Variants in SORCS1 observed in about 807,000 individuals in gnomAD.
The protein encoded by SORCS1 is VPS10 domain-containing receptor SorCS1.
SORCS1 carries 60 observed loss-of-function variants against 146.1 expected under a neutral mutation model. That is an observed-to-expected ratio of 0.41 (90% CI 0.33 to 0.51). The LOEUF is 0.51. Ranked by LOEUF, SORCS1 falls within the 20% of genes least tolerant of loss-of-function variation. The pLI is 0.21. For synonymous variants in SORCS1, 637 were observed against 584.0 expected (o/e 1.09, Z -1.31); for missense variants, 1,352 against 1,487.6 (o/e 0.91, Z 1.50).
At chr10:107,005,582 A>C (rs777856732) in intron 1 of SORCS1, among the ~76,000 whole-genome samples, 4 of 152,198 alleles carry the variant, frequency 2.6e-5, no homozygotes, top group Non-Finnish European at 5.9e-5. Context: ...GAATACCTAC[A>C]TATTATGTAC....
intron 1 of SORCS1, among the ~76,000 whole-genome samples, chr10:107,151,111 G>T (rs936057546): frequency 6.6e-6 from 1 of 152,216 alleles, no homozygotes; most frequent in Non-Finnish European, 1.5e-5. Context: ...ATGTTAGAAA[G>T]TCTGGAACTT....
chr10:107,070,528 C>T (rs17196041), intron 1 of SORCS1, among the ~76,000 whole-genome samples: 1,565 of 152,270 alleles, frequency 0.01, 15 homozygotes, highest in South Asian at 0.028. Flanking sequence ...CCATTTAAAG[C>T]ATCTTTCCCT....
At chr10:106,856,846 T>A (rs1949806000) in intron 2 of SORCS1, among the ~76,000 whole-genome samples, 1 of 152,248 alleles carries the variant, frequency 6.6e-6, no homozygotes, top group South Asian at 2.1e-4. Flanking sequence ...TCTGCTCAGG[T>A]AAATTGTGAT....
intron 1 of SORCS1, among the ~76,000 whole-genome samples, chr10:107,054,723 C>T (rs1382033832): frequency 6.6e-6 from 1 of 152,170 alleles, no homozygotes; most frequent in African/African-American, 2.4e-5. Context: ...AAACAGCAAA[C>T]CACAGGGCAT....
chr10:107,163,847 C>A lies in SORCS1; in HGVS notation c.558+122G>T, dbSNP rs1337460679. On this transcript the variant is annotated intron_variant, in intron 1 of 25. Coordinates refer to ENST00000263054, the MANE Select transcript of SORCS1 (RefSeq NM_052918.5). ...ACTCTTGGGGGAAGTGGGCAGAGACCAGTTTGCAGCATCTCCCATGTCCAG... is the reference window on the plus strand; with the variant it reads ...ACTCTTGGGGGAAGTGGGCAGAGACAAGTTTGCAGCATCTCCCATGTCCAG... 17 of 1,120,216 alleles carry A rather than the reference C, an allele frequency of 1.5e-5. No homozygotes were observed. The African/African-American group carries it at 2.4e-4, about 16-fold the overall frequency. 69.4% of individuals were successfully genotyped at this position (1,120,216 alleles called of 1,614,324 possible). A position where few individuals can be genotyped will look rare whatever the true frequency, so the allele number is the denominator to read the frequency against.
chr10:106,779,631 A>G (rs187787012), intron 3 of SORCS1, among the ~76,000 whole-genome samples: 1 of 150,046 alleles, frequency 6.7e-6, no homozygotes, highest in Non-Finnish European at 1.5e-5. Flanking sequence ...GCTCACTGCA[A>G]CCTCTGCCCT....
At chr10:107,132,718 A>T (rs1241469485) in intron 1 of SORCS1, among the ~76,000 whole-genome samples, 1 of 152,246 alleles carries the variant, frequency 6.6e-6, no homozygotes, top group Non-Finnish European at 1.5e-5. Flanking sequence ...CATTCAAACA[A>T]TCGATGTGCT....
chr10:106,685,452 C>T (rs1405612461), intron 10 of SORCS1, among the ~76,000 whole-genome samples: 1 of 151,848 alleles, frequency 6.6e-6, no homozygotes, highest in South Asian at 2.1e-4. Context: ...ACAATAAGGA[C>T]CATGAAGAAA....
intron 1 of SORCS1, among the ~76,000 whole-genome samples, chr10:107,130,751 T>A (rs7087149): frequency 0.087 from 13,289 of 152,072 alleles, 659 homozygotes; most frequent in African/African-American, 0.15. Context: ...TTTTTTTTTT[T>A]AATCCTAGAT....
intron 1 of SORCS1, among the ~76,000 whole-genome samples, chr10:107,064,476 G>A (rs905305643): frequency 2.0e-5 from 3 of 152,158 alleles, no homozygotes; most frequent in African/African-American, 7.2e-5. Context: ...GGAGCCAGAG[G>A]TGATAACCAG....
At chr10:106,974,417 C>T (rs1298655222) in intron 1 of SORCS1, among the ~76,000 whole-genome samples, 1 of 152,080 alleles carries the variant, frequency 6.6e-6, no homozygotes, top group Non-Finnish European at 1.5e-5. Flanking sequence ...CTTTGTGAGA[C>T]CAGAGGAATG....
intron 2 of SORCS1, among the ~76,000 whole-genome samples, chr10:106,869,666 A>T (rs1381302903): frequency 2.6e-5 from 4 of 152,206 alleles, no homozygotes; most frequent in Non-Finnish European, 5.9e-5. Flanking sequence ...AACTCTCAAT[A>T]AACTAGGTAT....
intron 1 of SORCS1, among the ~76,000 whole-genome samples, chr10:107,162,666 T>C (rs537667986): frequency 1.0e-3 from 159 of 152,344 alleles, no homozygotes; most frequent in African/African-American, 3.7e-3. Context: ...TTTATATCTG[T>C]GTACCCAAGG....
chr10:106,737,012 TTATTTC>T (rs928119760), intron 5 of SORCS1, among the ~76,000 whole-genome samples: 5 of 152,078 alleles, frequency 3.3e-5, no homozygotes, highest in Non-Finnish European at 5.9e-5. Context: ...GCCCAAGTGT[TTATTTC>T]TATGATGTCT....
chr10:106,893,461 A>G (rs906008360), intron 2 of SORCS1, among the ~76,000 whole-genome samples: 3 of 152,146 alleles, frequency 2.0e-5, no homozygotes, highest in Admixed American at 6.5e-5. Flanking sequence ...CTCATAATTC[A>G]TGTATTATCT....
At chr10:107,044,227 T>C (rs552417946) in intron 1 of SORCS1, among the ~76,000 whole-genome samples, 68 of 152,042 alleles carry the variant, frequency 4.5e-4, no homozygotes, top group African/African-American at 1.6e-3. Context: ...TCTAACCAAA[T>C]AAATGCCTAG....
chr10:107,014,268 A>G (rs1053948368), intron 1 of SORCS1, among the ~76,000 whole-genome samples: 40 of 136,502 alleles, frequency 2.9e-4, no homozygotes, highest in South Asian at 1.5e-3. Context: ...AAAAAAAAAA[A>G]AAAAGAAAAG....
At chr10:106,708,153 C>A (rs1854668595) in intron 7 of SORCS1, among the ~76,000 whole-genome samples, 1 of 152,080 alleles carries the variant, frequency 6.6e-6, no homozygotes, top group African/African-American at 2.4e-5. Flanking sequence ...ATAGACAGAA[C>A]CAATACATGT....
intron 5 of SORCS1, among the ~76,000 whole-genome samples, chr10:106,758,998 G>T (rs934527824): frequency 1.3e-5 from 2 of 152,176 alleles, no homozygotes; most frequent in Non-Finnish European, 2.9e-5. Context: ...CAGTTTGTTT[G>T]CAAATAGCTT....
Sources: gnomAD v4.1 joint callset for allele counts (sites outside exome capture counted in the v4.1 genomes callset) on GRCh38, gnomAD v4.1.1 for gene constraint, MANE v1.5 for transcripts, NCBI Gene and HGNC (gene_info 2026-07-23, HGNC 2026-07-21) for gene names.